The following HDAC4 variants were observed in gnomAD, a reference collection of about 807,000 sequenced individuals.
HDAC4 encodes the protein histone deacetylase A.
In HDAC4, 16 loss-of-function variants were observed where a neutral mutation model predicts 135.1. The observed-to-expected ratio is 0.12, with a 90% CI of 0.08 to 0.18. The LOEUF (loss-of-function observed/expected upper bound fraction) is 0.18. HDAC4 is among the 10% of genes least tolerant of loss of function. HDAC4 has a pLI of 1.00. For synonymous variants in HDAC4, 685 were observed against 653.4 expected (o/e 1.05, Z -0.74); for missense variants, 1,143 against 1,511.8 (o/e 0.76, Z 4.05).
intron 15 of HDAC4, 75 bp from the exon 16 acceptor site, chr2:239,102,971 A>G (rs1187513699): frequency 6.3e-6 from 10 of 1,585,634 alleles, no homozygotes; most frequent in South Asian, 1.1e-5. Flanking sequence ...AGAAACTCCA[A>G]CTGAAACCAT....
chr2:239,200,147 G>C (rs1408694459), intron 3 of HDAC4, among the ~76,000 whole-genome samples: 1 of 152,182 alleles, frequency 6.6e-6, no homozygotes, highest in Non-Finnish European at 1.5e-5. Context: ...TGGGACTTAC[G>C]AACTATCGAT....
chr2:239,321,445 A>T (rs909444530), intron 2 of HDAC4, among the ~76,000 whole-genome samples: 3 of 128,514 alleles, frequency 2.3e-5, no homozygotes, highest in Non-Finnish European at 4.8e-5. Flanking sequence ...AGCCTGGGTG[A>T]AAGAGCAAGA....
intron 22 of HDAC4, among the ~76,000 whole-genome samples, chr2:239,069,758 T>G (rs2033966957): frequency 7.1e-6 from 1 of 140,604 alleles, no homozygotes; most frequent in African/African-American, 2.7e-5. Context: ...GGAGTCACAG[T>G]GCAAGCCAGC....
intron 2 of HDAC4, among the ~76,000 whole-genome samples, chr2:239,304,513 A>C (rs1217979173): frequency 6.6e-6 from 1 of 152,216 alleles, no homozygotes. Flanking sequence ...AAACGTCCTG[A>C]AAGCTCCACG....
At chr2:239,199,902 A>C (rs953210776) in intron 3 of HDAC4, among the ~76,000 whole-genome samples, 4 of 151,966 alleles carry the variant, frequency 2.6e-5, no homozygotes, top group Non-Finnish European at 4.4e-5. Flanking sequence ...ACACCCGGCT[A>C]ATTTTTTTGA....
rs1355274395 is a variant in HDAC4, at chr2:239,313,003, C to A, written c.22+39675G>T. On this transcript the variant is annotated intron_variant, in intron 2 of 26. Transcript: ENST00000543185. The surrounding 1 kb of genome is among the most constrained non-coding windows in gnomAD (Gnocchi z 5.1). ...TCACTGGCTGCCGACGGGAGGCAGA[C>A]GAGGTGCCGGGGGCAGCCTGCAGAG... Among the ~76,000 whole-genome samples the A allele has an allele frequency of 6.6e-6, 1 of 152,322 alleles. No individual in the cohort carries two copies. Among genetic ancestry groups the A allele is most frequent in the Non-Finnish European group, 1.5e-5 (1 of 68,028 alleles).
chr2:239,358,783 C>T (rs1693678564), intron 1 of HDAC4, among the ~76,000 whole-genome samples: 1 of 152,212 alleles, frequency 6.6e-6, no homozygotes, highest in African/African-American at 2.4e-5. Context: ...TATCTTTTCT[C>T]ATTTGTTTAA....
intron 14 of HDAC4, 54 bp downstream of exon 14, chr2:239,111,472 G>C (rs2038664678): frequency 6.5e-7 from 1 of 1,536,032 alleles, no homozygotes; most frequent in Admixed American, 1.8e-5. Context: ...CCCCCGCGCT[G>C]TGCCCACTGT....
At chr2:239,089,960 T>C in intron 18 of HDAC4, 49 bp downstream of exon 18, 1 of 1,373,698 alleles carries the variant, frequency 7.3e-7, no homozygotes, top group Non-Finnish European at 1.0e-6. Context: ...ACACTGGGAA[T>C]CTATGGCAGG....
chr2:239,259,654 G>A (rs1474195774), intron 2 of HDAC4, among the ~76,000 whole-genome samples: 1 of 152,190 alleles, frequency 6.6e-6, no homozygotes, highest in African/African-American at 2.4e-5. Context: ...TCATAAAAGT[G>A]AAAGGAAGTA....
chr2:239,343,868 T>C (rs986857197), intron 2 of HDAC4, among the ~76,000 whole-genome samples: 2 of 142,032 alleles, frequency 1.4e-5, no homozygotes, highest in African/African-American at 2.7e-5. Context: ...AAGCACTCGA[T>C]AGCAGTAACA....
chr2:239,055,925 A>G (rs2106430371), intron 24 of HDAC4, among the ~76,000 whole-genome samples: 1 of 152,300 alleles, frequency 6.6e-6, no homozygotes, highest in South Asian at 2.1e-4. Context: ...CACTGTCAGG[A>G]CAGGACGGGT....
At chr2:239,206,755 C>T (rs1220974453) in intron 3 of HDAC4, among the ~76,000 whole-genome samples, 1 of 151,660 alleles carries the variant, frequency 6.6e-6, no homozygotes, top group Non-Finnish European at 1.5e-5. Context: ...ACTGCTTGGA[C>T]CCAGAGACTC....
intron 22 of HDAC4, among the ~76,000 whole-genome samples, chr2:239,072,222 TCC>T (rs2152631451): frequency 6.6e-6 from 1 of 152,336 alleles, no homozygotes; most frequent in South Asian, 2.1e-4. Context: ...TCAAACTAGA[TCC>T]TGTCCAGATA....
At chr2:239,110,922 C>G (rs1428348217) in intron 14 of HDAC4, among the ~76,000 whole-genome samples, 2 of 152,202 alleles carry the variant, frequency 1.3e-5, no homozygotes, top group African/African-American at 4.8e-5. Flanking sequence ...CCTGCCTCCT[C>G]AGCCGTGGTG....
chr2:239,289,156 G>A (rs1281141621), intron 2 of HDAC4, among the ~76,000 whole-genome samples: 1 of 152,164 alleles, frequency 6.6e-6, no homozygotes, highest in Non-Finnish European at 1.5e-5. Context: ...CAAACATTAT[G>A]GTTCTCAAAA....
Position 239,149,634 on chromosome 2 carries a change from G to A in HDAC4, c.734-4920C>T, listed in dbSNP as rs1017183680. ...TGGGCACAGGGTGGCTCTGAAGACA[G>A]AGCCTGCTCAGGGCAGCCCCGCTGC... On this transcript the variant is annotated intron_variant, in intron 7 of 26. Coordinates refer to ENST00000543185, the MANE Select transcript of HDAC4 (RefSeq NM_001378414.1). 2.6e-5 allele frequency among the ~76,000 whole-genome samples: 4 copies of A among 152,328 alleles called. No individual in the cohort carries two copies. The East Asian group carries it at 7.8e-4, about 30-fold the overall frequency.
chr2:239,269,230 TACATTCACACATCTACAC>T (rs2049921677), intron 2 of HDAC4, among the ~76,000 whole-genome samples: 2 of 140,868 alleles, frequency 1.4e-5, no homozygotes, highest in Admixed American at 6.9e-5. Context: ...CACACCCACA[TACATTCACACATCTACAC>T]ACATTCACAC....
intron 2 of HDAC4, among the ~76,000 whole-genome samples, chr2:239,311,236 G>C (rs1025472798): frequency 6.6e-6 from 1 of 152,104 alleles, no homozygotes; most frequent in Non-Finnish European, 1.5e-5. Flanking sequence ...GGCCCCTTCC[G>C]AGCTCTCAGC....
Sources: gnomAD v4.1 joint callset for allele counts (sites outside exome capture counted in the v4.1 genomes callset) on GRCh38, gnomAD v4.1.1 for gene constraint, Gnocchi (gnomAD v3.1) non-coding constraint, MANE v1.5 for transcripts, NCBI Gene and HGNC (gene_info 2026-07-23, HGNC 2026-07-21) for gene names.